The following MCTP1 variants were observed in gnomAD, a reference collection of about 807,000 sequenced individuals.
MCTP1 encodes the protein multiple C2 and transmembrane domain-containing protein 1.
Under a neutral mutation model 120.6 loss-of-function variants are expected in MCTP1, and 69 were observed. The observed-to-expected ratio is 0.57, with a 90% CI of 0.47 to 0.70. MCTP1 has a LOEUF of 0.70. Ranked by LOEUF, MCTP1 falls within the 30% of genes least tolerant of loss-of-function variation. The pLI, the probability that MCTP1 is intolerant of heterozygous loss-of-function variation, is 0.00. For synonymous variants in MCTP1, 529 were observed against 493.1 expected, an observed-to-expected ratio of 1.07 and a Z score of -0.96; for missense variants, 1,203 against 1,248.8, an observed-to-expected ratio of 0.96 and a Z score of 0.55.
intron 1 of MCTP1, among the ~76,000 whole-genome samples, chr5:95,265,373 A>G (rs1258537645): frequency 1.3e-5 from 2 of 152,210 alleles, no homozygotes; most frequent in Non-Finnish European, 2.9e-5. Flanking sequence ...CTTATTTTAA[A>G]GGAAGCAATC....
At chr5:95,083,137 A>T (rs1454804345) in intron 1 of MCTP1, among the ~76,000 whole-genome samples, 1 of 152,206 alleles carries the variant, frequency 6.6e-6, no homozygotes, top group Non-Finnish European at 1.5e-5. Context: ...TCAAAAAATT[A>T]TTTAATAAAT....
intron 10 of MCTP1, among the ~76,000 whole-genome samples, chr5:94,898,562 C>T (rs565748490): frequency 2.6e-5 from 4 of 152,280 alleles, no homozygotes; most frequent in African/African-American, 9.6e-5. Flanking sequence ...CTATATTTGG[C>T]TCACCTGTAC....
intron 5 of MCTP1, among the ~76,000 whole-genome samples, chr5:94,934,546 T>A (rs1815665649): frequency 6.6e-6 from 1 of 151,814 alleles, no homozygotes; most frequent in African/African-American, 2.4e-5. Context: ...TTAATTTTTA[T>A]CTTTTGTTGA....
At chr5:95,229,572 C>T (rs1265941072) in intron 1 of MCTP1, among the ~76,000 whole-genome samples, 7 of 151,950 alleles carry the variant, frequency 4.6e-5, no homozygotes, top group Non-Finnish European at 8.8e-5. Flanking sequence ...CATGGTGAAA[C>T]CCCATCTCTA....
intron 1 of MCTP1, among the ~76,000 whole-genome samples, chr5:95,226,755 C>T (rs1369431893): frequency 6.6e-6 from 1 of 152,058 alleles, no homozygotes; most frequent in Non-Finnish European, 1.5e-5. Context: ...TTCACCAAAA[C>T]CTAACTGGCA....
intron 1 of MCTP1, among the ~76,000 whole-genome samples, chr5:95,032,799 T>C (rs1043272282): frequency 1.3e-5 from 2 of 152,016 alleles, no homozygotes; most frequent in Non-Finnish European, 2.9e-5. Flanking sequence ...AAATGAACAG[T>C]TGTTTCTTCA....
In MCTP1 at chr5:95,052,579, T is replaced by G. The variant is rs1019151465; in HGVS notation, c.721-35095A>C. Among the ~76,000 whole-genome samples the G allele has an allele frequency of 7.9e-5, 12 of 152,198 alleles. 1 individual carries two copies. Among genetic ancestry groups the G allele is most frequent in the African/African-American group, 2.9e-4 (12 of 41,452 alleles). On this transcript the variant is annotated intron_variant, in intron 1 of 22. Transcript: ENST00000515393. ...TTCCAGTTTCCCAATAGCTCCTATGTTAAAATTTACAGTTGCCATCCTATA... is the reference window on the plus strand; with the variant it reads ...TTCCAGTTTCCCAATAGCTCCTATGGTAAAATTTACAGTTGCCATCCTATA...
At chr5:94,720,152 ATAAAAATTTTAAAAAAGT>A (rs1345016798) in intron 19 of MCTP1, among the ~76,000 whole-genome samples, 1 of 151,886 alleles carries the variant, frequency 6.6e-6, no homozygotes, top group Non-Finnish European at 1.5e-5. Flanking sequence ...TAAAAATAAA[ATAAAAATTTTAAAAAAGT>A]TAAAAGCAAA....
intron 17 of MCTP1, among the ~76,000 whole-genome samples, chr5:94,847,837 T>TA (rs1792827659): frequency 6.6e-6 from 1 of 152,014 alleles, no homozygotes; most frequent in South Asian, 2.1e-4. Flanking sequence ...TGTTACTTCT[T>TA]ACGATTATCT....
At chr5:95,212,856 A>T (rs1378025308) in intron 1 of MCTP1, among the ~76,000 whole-genome samples, 2 of 152,220 alleles carry the variant, frequency 1.3e-5, no homozygotes, top group Non-Finnish European at 1.5e-5. Context: ...TATTCACGGG[A>T]CGTATCTCAA....
At chr5:94,897,712 C>T (rs1804439483) in intron 10 of MCTP1, among the ~76,000 whole-genome samples, 1 of 152,042 alleles carries the variant, frequency 6.6e-6, no homozygotes, top group Non-Finnish European at 1.5e-5. Flanking sequence ...GGCACATGTG[C>T]AGGTTTGTAA....
intron 19 of MCTP1, among the ~76,000 whole-genome samples, chr5:94,765,525 C>A (rs1772399346): frequency 6.6e-6 from 1 of 151,726 alleles, no homozygotes; most frequent in Non-Finnish European, 1.5e-5. Context: ...CATGGTGAAA[C>A]CATGTCTCTG....
chr5:95,255,165 C>A (rs945194387), intron 1 of MCTP1, among the ~76,000 whole-genome samples: 1 of 152,124 alleles, frequency 6.6e-6, no homozygotes, highest in South Asian at 2.1e-4. Flanking sequence ...GGGTTAGAAG[C>A]TCTTGTTTCT....
intron 1 of MCTP1, among the ~76,000 whole-genome samples, chr5:95,047,679 T>C (rs953706486): frequency 6.6e-6 from 1 of 152,126 alleles, no homozygotes; most frequent in Non-Finnish European, 1.5e-5. Context: ...ATTTTAGTAG[T>C]CTAATGCCTA....
chr5:94,958,436 G>A (rs1823244802), intron 2 of MCTP1, among the ~76,000 whole-genome samples: 1 of 151,850 alleles, frequency 6.6e-6, no homozygotes, highest in African/African-American at 2.4e-5. Context: ...AACTGAAGGA[G>A]ATAGAGACAT....
chr5:95,086,884 A>C (rs2152333799), intron 1 of MCTP1, among the ~76,000 whole-genome samples: 1 of 152,324 alleles, frequency 6.6e-6, no homozygotes, highest in South Asian at 2.1e-4. Flanking sequence ...CAAAGTTAAA[A>C]TAAACTCTTG....
chr5:94,993,176 G>T (rs1000169330), intron 2 of MCTP1, among the ~76,000 whole-genome samples: 3 of 152,118 alleles, frequency 2.0e-5, no homozygotes, highest in Admixed American at 1.3e-4. Flanking sequence ...AATGTTTGTA[G>T]TCATTGCCTT....
chr5:94,976,830 C>T (rs1171032824), intron 2 of MCTP1: 1 of 152,024 alleles, frequency 6.6e-6, no homozygotes, highest in Non-Finnish European at 1.5e-5. Flanking sequence ...AAGAAAATTA[C>T]CTCATAATAA....
intron 1 of MCTP1, among the ~76,000 whole-genome samples, chr5:95,107,533 T>A (rs1051642649): frequency 6.6e-6 from 1 of 152,184 alleles, no homozygotes; most frequent in African/African-American, 2.4e-5. Context: ...TGGAAATAAA[T>A]CTGACAGGAA....
Sources: allele counts gnomAD v4.1 joint callset (sites outside exome capture counted in the v4.1 genomes callset), GRCh38; gene constraint gnomAD v4.1.1; transcripts MANE v1.5; gene names NCBI Gene and HGNC (gene_info 2026-07-23, HGNC 2026-07-21).